The following ABHD2 variants were observed in gnomAD, a reference collection of about 807,000 sequenced individuals.
The protein encoded by ABHD2 is monoacylglycerol lipase ABHD2.
In ABHD2, 20 loss-of-function variants were observed where a neutral mutation model predicts 48.1. That is an observed-to-expected ratio of 0.42 (90% CI 0.29 to 0.60). ABHD2 has a LOEUF of 0.60. Among genes scored for constraint, ABHD2 ranks in the 20% least tolerant of loss-of-function variants. The pLI, the probability that ABHD2 is intolerant of heterozygous loss-of-function variation, is 0.24. For missense variants in ABHD2, 405 were observed against 550.9 expected (o/e 0.74, Z 2.65); for synonymous variants, 209 against 214.2 (o/e 0.98, Z 0.21).
chr15:89,102,022 C>T lies in ABHD2; in HGVS notation c.-106-11703C>T, dbSNP rs967689492. Among the ~76,000 whole-genome samples the T allele has an allele frequency of 3.8e-4, 58 of 152,212 alleles. 1 individual carries two copies. Among genetic ancestry groups the T allele is most frequent in the Non-Finnish European group, 7.1e-4 (48 of 68,046 alleles). The stretch of plus-strand genomic sequence containing the variant: ...GTAGCGTCATTTTCCAGGCTGATGT[C>T]TGGAATTCCCCTTGTAAGTAAAGCA... On this transcript the variant is annotated intron_variant, in intron 1 of 10. Coordinates refer to ENST00000352732, the MANE Select transcript of ABHD2 (RefSeq NM_152924.5). The surrounding 1 kb of genome is among the most constrained non-coding windows in gnomAD (Gnocchi z 4.8).
chr15:89,094,919 C>G lies in ABHD2; in HGVS notation c.-107+6356C>G, dbSNP rs1435449414. ...ATCCACTAAAAATACAAAATATTAGCCGGGCATGGTGGTTCACACTCAGAA... is the reference window on the plus strand; with the variant it reads ...ATCCACTAAAAATACAAAATATTAGGCGGGCATGGTGGTTCACACTCAGAA... On this transcript the variant is annotated intron_variant, in intron 1 of 10. Coordinates refer to ENST00000352732, the MANE Select transcript of ABHD2 (RefSeq NM_152924.5). This position sits in a 1 kb window ranked among gnomAD's most constrained non-coding sequence, Gnocchi z 4.7. 1.3e-5 allele frequency among the ~76,000 whole-genome samples: 2 copies of G among 151,492 alleles called. No individual in the cohort carries two copies. The highest frequency in any genetic ancestry group is 4.9e-5 in the African/African-American group (2 of 41,168).
chr15:89,163,366 T>A (rs982822136), intron 5 of ABHD2, among the ~76,000 whole-genome samples: 1 of 152,254 alleles, frequency 6.6e-6, no homozygotes, highest in African/African-American at 2.4e-5. Flanking sequence ...TCGTGCTGCC[T>A]TTGAAAGATA....
intron 3 of ABHD2, among the ~76,000 whole-genome samples, chr15:89,123,589 CTTTCTTTTTT>C (rs1272765529): frequency 7.4e-4 from 92 of 125,168 alleles, no homozygotes; most frequent in African/African-American, 2.8e-3. Flanking sequence ...TTCTTTCTTT[CTTTCTTTTTT>C]TTTTTTTTTT....
the ABHD2 span, among the ~76,000 whole-genome samples, chr15:89,071,160 C>G: frequency 1.3e-5 from 2 of 152,186 alleles, no homozygotes; most frequent in East Asian, 3.9e-4. Context: ...TGGCTCACAC[C>G]TGTGATCCCA....
chr15:89,129,362 G>C (rs2050184165), intron 3 of ABHD2, among the ~76,000 whole-genome samples: 1 of 152,184 alleles, frequency 6.6e-6, no homozygotes. Flanking sequence ...GAGGGTGTCA[G>C]AAACTCAGGA....
rs919420558 is a variant in ABHD2, at chr15:89,146,880, G to C, written c.195-4797G>C. On this transcript the variant is annotated intron_variant, in intron 3 of 10. Transcript: ENST00000352732. This position sits in a 1 kb window ranked among gnomAD's most constrained non-coding sequence, Gnocchi z 4.2. Reference sequence around the variant, plus strand: ...CTCCTAGGTAATATATATTTGTCGTGTTTCCAATCAAAAATCTAAAATTTT... The same window carrying C: ...CTCCTAGGTAATATATATTTGTCGTCTTTCCAATCAAAAATCTAAAATTTT... 1.3e-5 allele frequency among the ~76,000 whole-genome samples: 2 copies of C among 152,146 alleles called. No individual in the cohort carries two copies. Among genetic ancestry groups the C allele is most frequent in the African/African-American group, 4.8e-5 (2 of 41,440 alleles).
chr15:89,052,751 A>T, the ABHD2 span, among the ~76,000 whole-genome samples: 133 of 152,262 alleles, frequency 8.7e-4, 1 homozygote, highest in South Asian at 1.0e-3. Flanking sequence ...CTGATCTCAG[A>T]CTTCAGCCTC....
the ABHD2 span, among the ~76,000 whole-genome samples, chr15:89,041,938 G>C: frequency 6.6e-6 from 1 of 152,206 alleles, no homozygotes; most frequent in Non-Finnish European, 1.5e-5. Flanking sequence ...GGGCAGGAGG[G>C]CCTGGAGGGG....
the ABHD2 span, among the ~76,000 whole-genome samples, chr15:89,079,649 A>G: frequency 1.3e-5 from 2 of 152,362 alleles, no homozygotes; most frequent in Admixed American, 1.3e-4. The surrounding 1 kb of genome is among the most constrained non-coding windows in gnomAD (Gnocchi z 4.3). Flanking sequence ...CAAAGCCACA[A>G]CTATTTAAAG....
chr15:89,142,337 G>A (rs2289440), intron 3 of ABHD2, among the ~76,000 whole-genome samples: 30,259 of 152,086 alleles, frequency 0.2, 3,195 homozygotes, highest in Admixed American at 0.3. Flanking sequence ...AAAGAAAAAA[G>A]GTAAATAAAT....
chr15:89,052,406 C>T, the ABHD2 span, among the ~76,000 whole-genome samples: 1 of 152,048 alleles, frequency 6.6e-6, no homozygotes, highest in Non-Finnish European at 1.5e-5. Flanking sequence ...AATCAGCAGG[C>T]AGGCTAATCT....
chr15:89,088,251 C>G (rs1357225343), upstream of ABHD2: 3 of 152,514 alleles, frequency 2.0e-5, no homozygotes, highest in Non-Finnish European at 4.4e-5. The surrounding 1 kb of genome is among the most constrained non-coding windows in gnomAD (Gnocchi z 6.8). Context: ...CTGAGGAGCT[C>G]TCCCCTAAGA....
chr15:89,070,604 C>G, the ABHD2 span, among the ~76,000 whole-genome samples: 4 of 152,116 alleles, frequency 2.6e-5, no homozygotes, highest in African/African-American at 9.7e-5. Flanking sequence ...CTCAGCAGAT[C>G]TGGGGGAAGG....
At chr15:89,047,683 G>T in the ABHD2 span, among the ~76,000 whole-genome samples, 1 of 150,986 alleles carries the variant, frequency 6.6e-6, no homozygotes, top group African/African-American at 2.5e-5. Context: ...ATCTTTGTTG[G>T]TTTAAAGTCT....
intron 3 of ABHD2, among the ~76,000 whole-genome samples, chr15:89,144,835 A>G (rs889995516): frequency 1.3e-5 from 2 of 152,218 alleles, no homozygotes; most frequent in African/African-American, 4.8e-5. Flanking sequence ...TGTTATATGT[A>G]TTTTACCTCA....
rs1596057369 is a variant in ABHD2 at position 89,094,665 on chromosome 15, A to G, written c.-107+6102A>G. On this transcript the variant is annotated intron_variant, in intron 1 of 10. Transcript: ENST00000352732. This position sits in a 1 kb window ranked among gnomAD's most constrained non-coding sequence, Gnocchi z 4.7. ...AGAGGCTGCCGTGAGCCAAGATCGC[A>G]CCACTGCACTCCAGCCTGGGCGGCA... 6.6e-6 allele frequency among the ~76,000 whole-genome samples: 1 copy of G among 151,938 alleles called. No individual in the cohort carries two copies. The highest frequency in any genetic ancestry group is 1.9e-4 in the East Asian group (1 of 5,134).
rs772103049 is a variant in ABHD2, at chr15:89,116,293, A to G, written c.-6-29A>G. ...CACCACCCGTCCTCACTGTGCTTGT[A>G]AACTTAGACCTGTGCCTCTGCTCCC... is the stretch of plus-strand genomic sequence containing the variant. On this transcript the variant is annotated intron_variant, in intron 2 of 10. Transcript: ENST00000352732. The surrounding 1 kb of genome is among the most constrained non-coding windows in gnomAD (Gnocchi z 4.6). 3 of 1,594,426 alleles carry G rather than the reference A, an allele frequency of 1.9e-6. No homozygotes were observed. The highest frequency in any genetic ancestry group is 2.6e-6 in the Non-Finnish European group (3 of 1,167,842).
At chr15:89,049,062 T>C in the ABHD2 span, among the ~76,000 whole-genome samples, 1 of 152,174 alleles carries the variant, frequency 6.6e-6, no homozygotes, top group Admixed American at 6.5e-5. Context: ...GATGGGTTTT[T>C]GGTGTGGATA....
intron 3 of ABHD2, among the ~76,000 whole-genome samples, chr15:89,140,279 T>C (rs1389728759): frequency 6.6e-6 from 1 of 152,188 alleles, no homozygotes; most frequent in African/African-American, 2.4e-5. Flanking sequence ...CTGGAGAAGA[T>C]AGCCATTCAT....
Sources: allele counts gnomAD v4.1 joint callset (sites outside exome capture counted in the v4.1 genomes callset), GRCh38; gene constraint gnomAD v4.1.1; non-coding constraint Gnocchi (gnomAD v3.1); transcripts MANE v1.5; gene names NCBI Gene and HGNC (gene_info 2026-07-23, HGNC 2026-07-21).